The following DCAF7 variants were observed in gnomAD, a reference collection of about 807,000 sequenced individuals.
DCAF7 encodes the protein DDB1- and CUL4-associated factor 7.
DCAF7 carries 4 observed loss-of-function variants against 41.2 expected under a neutral mutation model. That is an observed-to-expected ratio of 0.10 (90% CI 0.05 to 0.22). The LOEUF (loss-of-function observed/expected upper bound fraction) is 0.22, where lower values mean the gene tolerates loss of function less well. Among genes scored for constraint, DCAF7 ranks in the 10% least tolerant of loss-of-function variants. The probability of loss-of-function intolerance (pLI) is 1.00; values close to 1 mark genes in which losing one functional copy is unlikely to be tolerated. For synonymous variants in DCAF7, 143 were observed against 164.2 expected, an observed-to-expected ratio of 0.87 and a Z score of 0.99; for missense variants, 131 against 443.2, an observed-to-expected ratio of 0.30 and a Z score of 6.32.
chr17:63,575,775 T>C (rs1480718117), intron 1 of DCAF7, among the ~76,000 whole-genome samples: 1 of 152,166 alleles, frequency 6.6e-6, no homozygotes, highest in Non-Finnish European at 1.5e-5. Context: ...AGATGTCAGT[T>C]CTCCCCAGAC....
intron 1 of DCAF7, among the ~76,000 whole-genome samples, chr17:63,565,030 G>A (rs1030589859): frequency 6.6e-6 from 1 of 152,222 alleles, no homozygotes; most frequent in African/African-American, 2.4e-5. Context: ...CCAGCACTTT[G>A]GGAGGACCAA....
chr17:63,551,238 T>C (rs2033249476), intron 1 of DCAF7, among the ~76,000 whole-genome samples: 1 of 151,946 alleles, frequency 6.6e-6, no homozygotes, highest in Non-Finnish European at 1.5e-5. Flanking sequence ...TTGGTGGTCG[T>C]GCACTCCTGG....
At position 63,589,163 on chromosome 17, in the gene DCAF7, C is replaced by CA; in HGVS notation, c.1021dup (p.Arg341LysfsTer78). The CA allele has an allele frequency of 6.2e-7, 1 of 1,613,880 alleles. No individual in the cohort carries two copies. Among genetic ancestry groups the CA allele is most frequent in the Non-Finnish European group, 8.5e-7 (1 of 1,179,866 alleles). The stretch of plus-strand genomic sequence containing the variant: ...GCTACAACAACTGCCTGGAGATACT[C>CA]AGAGTGTAGTGTTGGTGGCGCTGTG... On this transcript the variant is annotated frameshift_variant, in exon 7 of 7. Transcript: ENST00000614556. LOFTEE classifies it high-confidence loss of function.
At chr17:63,551,889 T>TA (rs1568095444) in intron 1 of DCAF7, among the ~76,000 whole-genome samples, 1 of 11,940 alleles carries the variant, frequency 8.4e-5, no homozygotes, top group Non-Finnish European at 1.6e-4. Flanking sequence ...TCTACTAAAA[T>TA]ACAAAAAAAA....
At position 63,589,211 on chromosome 17, in the gene DCAF7, A is replaced by G. The variant is rs2033708929; in HGVS notation, c.*39A>G. On this transcript the variant is annotated 3_prime_UTR_variant, in exon 7 of 7. Transcript: ENST00000614556. The stretch of plus-strand genomic sequence containing the variant: ...GTGCCCACGAGGCAGGGGCTTTTGT[A>G]TTTCCTGCCTCTGCCCCACCCCCAA... 3.7e-6 allele frequency: 6 copies of G among 1,610,506 alleles called. No homozygotes were observed. Among genetic ancestry groups the G allele is most frequent in the South Asian group, 1.1e-5 (1 of 91,044 alleles).
At chr17:63,580,814 G>T (rs575934751) in intron 4 of DCAF7, among the ~76,000 whole-genome samples, 108 of 152,120 alleles carry the variant, frequency 7.1e-4, no homozygotes, top group Middle Eastern at 3.4e-3. Context: ...GAGCCACTGC[G>T]CCCGGCCAAT....
Position 63,589,260 on chromosome 17 carries a change from T to C in DCAF7, c.*88T>C. ...AAAGTAAGAAGAAACATGTTTCCAGTGGCCAGTATGTCTTTCATTGCTTTG... is the reference window on the plus strand; with the variant it reads ...AAAGTAAGAAGAAACATGTTTCCAGCGGCCAGTATGTCTTTCATTGCTTTG... On this transcript the variant is annotated 3_prime_UTR_variant, in exon 7 of 7. Transcript: ENST00000614556. 6.5e-7 allele frequency: 1 copy of C among 1,538,172 alleles called. No individual in the cohort carries two copies. Among genetic ancestry groups the C allele is most frequent in the South Asian group, 1.1e-5 (1 of 88,342 alleles).
intron 1 of DCAF7, among the ~76,000 whole-genome samples, chr17:63,568,917 A>G (rs1292020006): frequency 6.6e-6 from 1 of 152,196 alleles, no homozygotes; most frequent in Non-Finnish European, 1.5e-5. Flanking sequence ...TTTGCCTTCC[A>G]GGCTAAAACT....
intron 1 of DCAF7, among the ~76,000 whole-genome samples, chr17:63,554,188 G>A (rs1373059881): frequency 6.6e-6 from 1 of 152,256 alleles, no homozygotes; most frequent in Non-Finnish European, 1.5e-5. Context: ...CTGGGCGACA[G>A]AGCCAGACCC....
intron 2 of DCAF7, 74 bp downstream of exon 2, chr17:63,578,702 G>C: frequency 6.3e-7 from 1 of 1,595,502 alleles, no homozygotes; most frequent in Non-Finnish European, 8.6e-7. Context: ...AAAAGTCACA[G>C]AACAGACAGG....
chr17:63,565,102 C>T (rs1354212894), intron 1 of DCAF7, among the ~76,000 whole-genome samples: 2 of 152,232 alleles, frequency 1.3e-5, no homozygotes, highest in East Asian at 1.9e-4. Flanking sequence ...CATGCCACTG[C>T]GTTCCAGCCT....
In DCAF7 at chr17:63,550,541, C is replaced by T. The variant is rs952729299; in HGVS notation, c.-137C>T. 5 of 1,358,752 alleles carry T rather than the reference C, an allele frequency of 3.7e-6. No individual in the cohort carries two copies. In the South Asian group the frequency reaches 6.0e-5, roughly 16 times the overall value. The allele number at this position is 1,358,752 out of a possible 1,614,324, so 84.2% of individuals were successfully genotyped here. The stretch of plus-strand genomic sequence containing the variant: ...CTCGGCCGTCGTCGTTGTTTGTCGC[C>T]GCATCCCCGCTTCCGGGTTAGGCCG... On this transcript the variant is annotated 5_prime_UTR_variant, in exon 1 of 7. Coordinates refer to ENST00000614556, the MANE Select transcript of DCAF7 (RefSeq NM_005828.5). The surrounding 1 kb of genome is among the most constrained non-coding windows in gnomAD (Gnocchi z 4.8).
chr17:63,580,058 C>A (rs1225912215), intron 4 of DCAF7, 115 bp downstream of exon 4: 5 of 753,216 alleles, frequency 6.6e-6, no homozygotes, highest in Non-Finnish European at 1.1e-5. Flanking sequence ...CATAACATAA[C>A]ATCTTCTTGT....
intron 1 of DCAF7, among the ~76,000 whole-genome samples, chr17:63,559,362 T>TACATATATATATAC (rs1568097709): frequency 8.3e-6 from 1 of 120,350 alleles, no homozygotes; most frequent in East Asian, 2.2e-4. Context: ...TATATATGTA[T>TACATATATATATAC]GTATATATAT....
chr17:63,566,648 C>T lies in DCAF7; in HGVS notation c.139-11822C>T, dbSNP rs76901188. Among the ~76,000 whole-genome samples, 1,106 of 152,264 alleles carry T rather than the reference C, an allele frequency of 7.3e-3. 10 individuals are homozygous for T. The highest frequency in any genetic ancestry group is 0.048 in the Middle Eastern group (14 of 294). On this transcript the variant is annotated intron_variant, in intron 1 of 6. Transcript: ENST00000614556. ...GCAAATTGCAGAATACAGCTGACAACGGTGGCTGACACTGGTAATCCCAGC... is the reference window on the plus strand; with the variant it reads ...GCAAATTGCAGAATACAGCTGACAATGGTGGCTGACACTGGTAATCCCAGC...
At position 63,589,869 on chromosome 17, in the gene DCAF7, A is replaced by G. The variant is rs759962441; in HGVS notation, c.*697A>G. 1.3e-5 allele frequency: 2 copies of G among 153,568 alleles called. No homozygotes were observed. Among genetic ancestry groups the G allele is most frequent in the African/African-American group, 2.4e-5 (1 of 41,412 alleles). 9.5% of individuals were successfully genotyped at this position (153,568 alleles called of 1,614,324 possible). On this transcript the variant is annotated 3_prime_UTR_variant, in exon 7 of 7. Coordinates refer to ENST00000614556, the MANE Select transcript of DCAF7 (RefSeq NM_005828.5). ...AGTCCAAACCACCTTGGTGCTCTGA[A>G]GTCCACTGACTCATCACACCTTTCT...
chr17:63,574,742 G>A (rs953133267), intron 1 of DCAF7, among the ~76,000 whole-genome samples: 1 of 152,244 alleles, frequency 6.6e-6, no homozygotes, highest in African/African-American at 2.4e-5. Flanking sequence ...GGAGGCCAGA[G>A]TGGGTGGATC....
Position 63,590,062 on chromosome 17 carries a change from C to G in DCAF7, c.*890C>G, listed in dbSNP as rs1445541535. 8 of 152,652 alleles carry G rather than the reference C, an allele frequency of 5.2e-5. No individual in the cohort carries two copies. Among genetic ancestry groups the G allele is most frequent in the African/African-American group, 1.4e-4 (6 of 41,442 alleles). The allele number at this position is 152,652 out of a possible 1,614,324, so 9.5% of individuals were successfully genotyped here. A position where few individuals can be genotyped will look rare whatever the true frequency, so the allele number is the denominator to read the frequency against. ...ACTTGAGGGGAATCGTTTCATGAAGCTGAACTTCAAGCATATTTCCAGTAC... is the reference window on the plus strand; with the variant it reads ...ACTTGAGGGGAATCGTTTCATGAAGGTGAACTTCAAGCATATTTCCAGTAC... On this transcript the variant is annotated 3_prime_UTR_variant, in exon 7 of 7. Transcript: ENST00000614556.
chr17:63,562,487 A>C (rs1036970365), intron 1 of DCAF7, among the ~76,000 whole-genome samples: 3 of 152,146 alleles, frequency 2.0e-5, no homozygotes, highest in African/African-American at 7.2e-5. Context: ...CCATGGACAA[A>C]GTCAAAAGAC....
Sources: gnomAD v4.1 joint callset for allele counts (sites outside exome capture counted in the v4.1 genomes callset) on GRCh38, gnomAD v4.1.1 for gene constraint, Gnocchi (gnomAD v3.1) non-coding constraint, MANE v1.5 for transcripts, NCBI Gene and HGNC (gene_info 2026-07-23, HGNC 2026-07-21) for gene names.